Variants in TBC1D12 observed in about 807,000 individuals in gnomAD.
The protein encoded by TBC1D12 is TBC1 domain family, member 12.
TBC1D12 carries 56 observed loss-of-function variants against 86.7 expected under a neutral mutation model. That is an observed-to-expected ratio of 0.65 (90% confidence interval 0.52 to 0.81). The LOEUF is 0.81. TBC1D12 is among the 30% of genes least tolerant of loss of function. The pLI, the probability that TBC1D12 is intolerant of heterozygous loss-of-function variation, is 0.00. For synonymous variants in TBC1D12, 421 were observed against 411.7 expected (o/e 1.02, Z -0.27); for missense variants, 1,023 against 1,038.8 (o/e 0.98, Z 0.21).
rs2134200249 is a variant in TBC1D12, at chr10:94,507,250, C to G, written c.1520-17C>G. 6.3e-7 allele frequency: 1 copy of G among 1,597,262 alleles called. No individual in the cohort carries two copies. Among genetic ancestry groups the G allele is most frequent in the Non-Finnish European group, 8.5e-7 (1 of 1,176,010 alleles). On this transcript the variant is annotated splice_polypyrimidine_tract_variant and intron_variant, in intron 6 of 12. Coordinates refer to ENST00000225235, the MANE Select transcript of TBC1D12 (RefSeq NM_015188.2). ...TTCCTATTATTCATACATTTTTGTT[C>G]TCCCCCCAACCCCCAGAACTTTATG...
intron 11 of TBC1D12, among the ~76,000 whole-genome samples, chr10:94,525,386 C>A (rs536148940): frequency 2.0e-5 from 3 of 151,990 alleles, no homozygotes; most frequent in African/African-American, 7.3e-5. Flanking sequence ...CCGAGGTGGG[C>A]AAATCACCTG....
intron 1 of TBC1D12, among the ~76,000 whole-genome samples, chr10:94,409,461 T>C (rs910974894): frequency 2.0e-5 from 3 of 147,734 alleles, no homozygotes; most frequent in African/African-American, 7.5e-5. Context: ...AGCCTCAGAC[T>C]CCTGGGCTCA....
intron 3 of TBC1D12, among the ~76,000 whole-genome samples, chr10:94,478,333 T>A (rs1260986471): frequency 8.5e-5 from 13 of 152,160 alleles, no homozygotes. Flanking sequence ...CAGCATTTCA[T>A]CTTATGTGAA....
chr10:94,521,532 TGATA>T (rs891711472), intron 9 of TBC1D12, among the ~76,000 whole-genome samples: 11 of 152,346 alleles, frequency 7.2e-5, no homozygotes, highest in African/African-American at 2.6e-4. Context: ...GCAGCACTTC[TGATA>T]GATCTCTTTT....
chr10:94,445,458 C>CCT (rs1157692142), intron 2 of TBC1D12, among the ~76,000 whole-genome samples: 1 of 152,086 alleles, frequency 6.6e-6, no homozygotes, highest in Non-Finnish European at 1.5e-5. Context: ...GTAGTTGCTG[C>CCT]CTCTGCCTCT....
At chr10:94,458,678 G>A (rs565730434) in intron 2 of TBC1D12, among the ~76,000 whole-genome samples, 3 of 152,258 alleles carry the variant, frequency 2.0e-5, no homozygotes, top group African/African-American at 7.2e-5. Context: ...CTTCCTTTTG[G>A]TGGGTTCGCG....
intron 2 of TBC1D12, among the ~76,000 whole-genome samples, chr10:94,456,105 A>T (rs1339580174): frequency 1.3e-5 from 2 of 152,004 alleles, no homozygotes; most frequent in Non-Finnish European, 2.9e-5. Context: ...TATAAATTTT[A>T]TTGATCTTTT....
chr10:94,436,660 A>G (rs1025684703), intron 1 of TBC1D12, among the ~76,000 whole-genome samples: 1 of 152,046 alleles, frequency 6.6e-6, no homozygotes, highest in Non-Finnish European at 1.5e-5. Flanking sequence ...ATAAATTTTT[A>G]TAAAACTTTG....
intron 1 of TBC1D12, among the ~76,000 whole-genome samples, chr10:94,439,048 C>T (rs1381491910): frequency 6.6e-6 from 1 of 152,088 alleles, no homozygotes; most frequent in African/African-American, 2.4e-5. Context: ...AGGTGATCCA[C>T]CCGCCTCAGC....
rs138352489 is a variant in TBC1D12, at chr10:94,469,126, G to A, written c.1096-5542G>A. Among the ~76,000 whole-genome samples, 1,455 of 152,286 alleles carry A rather than the reference G, an allele frequency of 9.6e-3. 14 individuals are homozygous for A. The highest frequency in any genetic ancestry group is 0.015 in the Non-Finnish European group (1,030 of 68,028). On this transcript the variant is annotated intron_variant, in intron 2 of 12. Transcript: ENST00000225235. ...TGATGCACAAGAAGCTTAACTTCTG[G>A]ACAGAACAAAATCAAGTATTATTCA...
At chr10:94,510,945 T>G (rs1245843152) in intron 8 of TBC1D12, among the ~76,000 whole-genome samples, 1 of 152,164 alleles carries the variant, frequency 6.6e-6, no homozygotes, top group Non-Finnish European at 1.5e-5. Flanking sequence ...CTGCTGATGG[T>G]GTATTACATA....
chr10:94,492,185 G>C (rs549471368), intron 3 of TBC1D12, among the ~76,000 whole-genome samples: 1 of 152,240 alleles, frequency 6.6e-6, no homozygotes, highest in Admixed American at 6.5e-5. Flanking sequence ...CTTTATCATA[G>C]TTATGTATGT....
chr10:94,449,550 CA>C (rs1350058486), intron 2 of TBC1D12, among the ~76,000 whole-genome samples: 1 of 152,212 alleles, frequency 6.6e-6, no homozygotes, highest in Non-Finnish European at 1.5e-5. Context: ...CTATCTTGGG[CA>C]GACATGGTCT....
At position 94,493,351 on chromosome 10, in the gene TBC1D12, AT is replaced by A. The variant is rs555918365; in HGVS notation, c.1212-5del. On this transcript the variant is annotated splice_polypyrimidine_tract_variant and intron_variant, in intron 3 of 12. Transcript: ENST00000225235. ...TTTAAAAATTGTCTTGACTTAAGTAATTTTTTTTTCCAGAAATCTTCCTGCC... is the reference window on the plus strand; with the variant it reads ...TTTAAAAATTGTCTTGACTTAAGTAATTTTTTTTCCAGAAATCTTCCTGCC... The A allele has an allele frequency of 7.2e-5, 113 of 1,574,244 alleles. No homozygotes were observed. The highest frequency in any genetic ancestry group is 3.2e-4 in the Admixed American group (18 of 56,290).
intron 2 of TBC1D12, among the ~76,000 whole-genome samples, chr10:94,458,671 C>T (rs1319754514): frequency 6.6e-6 from 1 of 152,042 alleles, no homozygotes; most frequent in Non-Finnish European, 1.5e-5. Flanking sequence ...TGAGTTTCTT[C>T]CTTTTGGTGG....
At chr10:94,469,992 C>T (rs1033614037) in intron 2 of TBC1D12, among the ~76,000 whole-genome samples, 1 of 152,158 alleles carries the variant, frequency 6.6e-6, no homozygotes, top group Non-Finnish European at 1.5e-5. Flanking sequence ...ACCCAGTTCA[C>T]CAAGTGGGAG....
intron 2 of TBC1D12, among the ~76,000 whole-genome samples, chr10:94,468,746 G>T (rs56188429): frequency 0.022 from 3,324 of 152,118 alleles, 123 homozygotes; most frequent in African/African-American, 0.074. Context: ...AGCCATTATT[G>T]TCTTAAATAT....
intron 2 of TBC1D12, among the ~76,000 whole-genome samples, chr10:94,458,685 C>T (rs534312445): frequency 3.3e-5 from 5 of 152,188 alleles, no homozygotes; most frequent in East Asian, 3.9e-4. Flanking sequence ...TTGGTGGGTT[C>T]GCGGTCTCGC....
At chr10:94,485,124 A>C (rs1331526232) in intron 3 of TBC1D12, among the ~76,000 whole-genome samples, 1 of 152,152 alleles carries the variant, frequency 6.6e-6, no homozygotes, top group South Asian at 2.1e-4. Context: ...TAGGACTTGC[A>C]GTACTATGTT....
Sources: allele counts gnomAD v4.1 joint callset (sites outside exome capture counted in the v4.1 genomes callset), GRCh38; gene constraint gnomAD v4.1.1; transcripts MANE v1.5; gene names NCBI Gene and HGNC (gene_info 2026-07-23, HGNC 2026-07-21).